The following DLGAP2 variants were observed in gnomAD, a reference collection of about 807,000 sequenced individuals.
DLGAP2 encodes DLG associated protein 2.
A neutral mutation model predicts 100.3 loss-of-function variants in DLGAP2; 26 were observed. That is an observed-to-expected ratio of 0.26 (90% CI 0.19 to 0.36). The LOEUF (loss-of-function observed/expected upper bound fraction) is 0.36, where lower values mean the gene tolerates loss of function less well. Among genes scored for constraint, DLGAP2 ranks in the 10% least tolerant of loss-of-function variants. The probability of loss-of-function intolerance (pLI) is 1.00; values close to 1 mark genes in which losing one functional copy is unlikely to be tolerated. For missense variants in DLGAP2, 1,858 were observed against 1,453.2 expected, an observed-to-expected ratio of 1.28 and a Z score of -4.53; for synonymous variants, 886 against 630.1, an observed-to-expected ratio of 1.41 and a Z score of -6.08.
intron 1 of DLGAP2, among the ~76,000 whole-genome samples, chr8:846,037 A>G (rs1309607123): frequency 6.6e-6 from 1 of 152,268 alleles, no homozygotes; most frequent in Non-Finnish European, 1.5e-5. Flanking sequence ...ACACTTACGG[A>G]GTACAATGTG....
intron 2 of DLGAP2, among the ~76,000 whole-genome samples, chr8:915,940 C>CT (rs1369316524): frequency 2.8e-4 from 42 of 151,606 alleles, no homozygotes; most frequent in African/African-American, 9.7e-4. Flanking sequence ...TCCGCACTCT[C>CT]TTTTTTCTGC....
At chr8:1,697,946 C>T (rs1021662157) in intron 14 of DLGAP2, among the ~76,000 whole-genome samples, 10 of 152,358 alleles carry the variant, frequency 6.6e-5, no homozygotes, top group African/African-American at 2.4e-4. Context: ...ACATAGATTT[C>T]CTCACACGTT....
intron 2 of DLGAP2, among the ~76,000 whole-genome samples, chr8:1,176,066 A>G (rs564236847): frequency 6.2e-4 from 95 of 152,292 alleles, no homozygotes; most frequent in African/African-American, 2.2e-3. Context: ...TAAAAATACT[A>G]CCTGAAACTG....
chr8:1,145,756 CT>C (rs1399547240), intron 2 of DLGAP2, among the ~76,000 whole-genome samples: 30 of 129,212 alleles, frequency 2.3e-4, no homozygotes, highest in Admixed American at 4.9e-4. Flanking sequence ...AATGCTATCC[CT>C]CCCCCCTCCC....
At chr8:1,376,509 C>T (rs1563114395) in intron 3 of DLGAP2, among the ~76,000 whole-genome samples, 3 of 152,318 alleles carry the variant, frequency 2.0e-5, no homozygotes, top group Middle Eastern at 3.4e-3. Flanking sequence ...AGCTGGAGGC[C>T]GTGCTGGTAC....
chr8:1,665,719 C>T (rs1297882658), intron 8 of DLGAP2, among the ~76,000 whole-genome samples: 1 of 152,264 alleles, frequency 6.6e-6, no homozygotes, highest in East Asian at 1.9e-4. Flanking sequence ...TCCGCAGTCT[C>T]GCTCCAGCGC....
chr8:1,506,020 G>C (rs1223565076), intron 4 of DLGAP2, among the ~76,000 whole-genome samples: 1 of 152,156 alleles, frequency 6.6e-6, no homozygotes, highest in South Asian at 2.1e-4. Flanking sequence ...TGTACACACT[G>C]TGTAATTTTG....
At position 1,688,262 on chromosome 8, in the gene DLGAP2, T is replaced by C. The variant is rs116713415; in HGVS notation, c.2705-3273T>C. The C allele has an allele frequency of 4.0e-3, 602 of 152,318 alleles. 6 individuals are homozygous for C. Among genetic ancestry groups the C allele is most frequent in the African/African-American group, 0.014 (562 of 41,530 alleles). The allele number at this position is 152,318 out of a possible 1,614,324, so 9.4% of individuals were successfully genotyped here. ...CCTTCTCTGTTCCCAGGCTGGCTGG[T>C]AAATCAGATCCAAGGAAGAGCAGCC... On this transcript the variant is annotated intron_variant, in intron 12 of 14. Transcript: ENST00000637795.
At chr8:1,555,301 T>C (rs554525302) in intron 5 of DLGAP2, among the ~76,000 whole-genome samples, 8 of 152,046 alleles carry the variant, frequency 5.3e-5, no homozygotes, top group Non-Finnish European at 1.2e-4. Flanking sequence ...CCAGTGTGAG[T>C]CCTAAAACGC....
At chr8:1,299,969 G>C (rs1274564109) in intron 3 of DLGAP2, 4 of 152,240 alleles carry the variant, frequency 2.6e-5, no homozygotes, top group African/African-American at 9.7e-5. Context: ...GGCTCCTGGG[G>C]AGGGCCTCTT....
chr8:1,081,977 A>G (rs1262626704), intron 2 of DLGAP2, among the ~76,000 whole-genome samples: 2 of 152,150 alleles, frequency 1.3e-5, no homozygotes, highest in African/African-American at 4.8e-5. Context: ...AGAAGGGGAG[A>G]TCTCCAAGAA....
chr8:977,572 G>T lies in DLGAP2; in HGVS notation c.73+69606G>T, dbSNP rs146825707. On this transcript the variant is annotated intron_variant, in intron 2 of 14. Transcript: ENST00000637795. ...TATTTTTGAACTCATGCCTCCTTGCGAACTTTTTCAATGAGTTTTAACAGG... is the reference window on the plus strand; with the variant it reads ...TATTTTTGAACTCATGCCTCCTTGCTAACTTTTTCAATGAGTTTTAACAGG... Among the ~76,000 whole-genome samples, 636 of 152,274 alleles carry T rather than the reference G, an allele frequency of 4.2e-3. 6 individuals carry two copies. Among genetic ancestry groups the T allele is most frequent in the African/African-American group, 0.014 (597 of 41,560 alleles).
In DLGAP2 at chr8:1,260,102, G is replaced by A. The variant is rs562233859; in HGVS notation, c.106+1219G>A. 2.6e-5 allele frequency among the ~76,000 whole-genome samples: 4 copies of A among 152,182 alleles called. No homozygotes were observed. The South Asian group carries it at 6.2e-4, about 24-fold the overall frequency. On this transcript the variant is annotated intron_variant, in intron 3 of 14. Transcript: ENST00000637795. ...GGTGGAGCCTGGGATGCTGGTCTGG[G>A]TGTGGCAGAGGCCGCCTGTGATGGG...
In DLGAP2 at chr8:1,669,784, T is replaced by C; in HGVS notation, c.2202T>C (p.Asp734=). The C allele has an allele frequency of 1.3e-6, 1 of 780,896 alleles. No homozygotes were observed. The allele number at this position is 780,896 out of a possible 1,614,324, so 48.4% of individuals were successfully genotyped here. The part of the protein sequence containing the change: ...FPEHQPYPRS[D]VETATDSDTE... Reference sequence around the variant, plus strand: ...AGCATCAGCCATACCCAAGGTCAGATGTAAGTACCGAAATGTGCTCCAAAG... The same window carrying C: ...AGCATCAGCCATACCCAAGGTCAGACGTAAGTACCGAAATGTGCTCCAAAG... The change falls in exon 10 of 15, where the codon GAT becomes GAC. Residue 734 remains aspartate (D), a splice_region_variant and synonymous_variant. Transcript: ENST00000637795.
At chr8:1,583,895 C>G (rs6995388) in intron 6 of DLGAP2, among the ~76,000 whole-genome samples, 1 of 151,742 alleles carries the variant, frequency 6.6e-6, no homozygotes, top group Non-Finnish European at 1.5e-5. Flanking sequence ...TCTTCCTCCT[C>G]GCTCCTCTGA....
At chr8:804,566 G>C (rs1796230607) in intron 1 of DLGAP2, among the ~76,000 whole-genome samples, 1 of 152,172 alleles carries the variant, frequency 6.6e-6, no homozygotes, top group Admixed American at 6.5e-5. Context: ...TTCACAATTT[G>C]TGCTTATTCG....
intron 2 of DLGAP2, among the ~76,000 whole-genome samples, chr8:926,824 C>G (rs894268543): frequency 2.6e-5 from 4 of 152,274 alleles, no homozygotes; most frequent in African/African-American, 9.6e-5. Context: ...CTGCCCTCCT[C>G]CGGCAAGGAC....
At chr8:1,058,460 G>A (rs1344653995) in intron 2 of DLGAP2, among the ~76,000 whole-genome samples, 2 of 152,154 alleles carry the variant, frequency 1.3e-5, no homozygotes, top group East Asian at 3.9e-4. Flanking sequence ...AACTCTAAGG[G>A]TGGCTTCTAA....
chr8:1,351,944 A>C lies in DLGAP2; in HGVS notation c.106+93061A>C, dbSNP rs1324534717. ...GTGCGCGTCCTGACTGTGTGTGGAA[A>C]GGCCGTGCGGGTCCTGAGTGTGTGT... On this transcript the variant is annotated intron_variant, in intron 3 of 14. Transcript: ENST00000637795. 5.9e-4 allele frequency among the ~76,000 whole-genome samples: 39 copies of C among 66,636 alleles called. 1 individual carries two copies. Among genetic ancestry groups the C allele is most frequent in the Non-Finnish European group, 9.5e-4 (32 of 33,676 alleles). 43.7% of individuals were successfully genotyped at this position (66,636 alleles called of 152,430 possible). A position where few individuals can be genotyped will look rare whatever the true frequency, so the allele number is the denominator to read the frequency against.
Sources: allele counts gnomAD v4.1 joint callset (sites outside exome capture counted in the v4.1 genomes callset), GRCh38; gene constraint gnomAD v4.1.1; transcripts MANE v1.5; gene names NCBI Gene and HGNC (gene_info 2026-07-23, HGNC 2026-07-21).